Variants in ATG4B observed in about 807,000 individuals in gnomAD.
The protein encoded by ATG4B is cysteine protease ATG4B.
In ATG4B, 29 loss-of-function variants were observed where a neutral mutation model predicts 56.6. The observed-to-expected ratio is 0.51, with a 90% confidence interval of 0.38 to 0.70. ATG4B has a LOEUF of 0.70. Ranked by LOEUF, ATG4B falls within the 30% of genes least tolerant of loss-of-function variation. ATG4B has a pLI of 0.00. For synonymous variants in ATG4B, 224 were observed against 206.1 expected, an observed-to-expected ratio of 1.09 and a Z score of -0.74; for missense variants, 461 against 515.5, an observed-to-expected ratio of 0.89 and a Z score of 1.02.
intron 1 of ATG4B, 71 bp downstream of exon 1, chr2:241,637,795 T>C: frequency 6.9e-7 from 1 of 1,447,518 alleles, no homozygotes; most frequent in East Asian, 3.0e-5. Context: ...CCTGCTCGGG[T>C]CGGGCTGCCG....
At position 241,673,323 on chromosome 2, in the gene ATG4B, A is replaced by C. The variant is rs1171230610; in HGVS notation, c.*1059A>C. On this transcript the variant is annotated 3_prime_UTR_variant, in exon 13 of 13. Coordinates refer to ENST00000404914, the MANE Select transcript of ATG4B (RefSeq NM_013325.5). Reference sequence around the variant, plus strand: ...TGTGTAACCTGCTGTCCCGGGTCCCAGAGTGCACTCTGCCCCGCTGCTCTG... The same window carrying C: ...TGTGTAACCTGCTGTCCCGGGTCCCCGAGTGCACTCTGCCCCGCTGCTCTG... 1 of 351,998 alleles carries C rather than the reference A, an allele frequency of 2.8e-6. No individual in the cohort carries two copies. The highest frequency in any genetic ancestry group is 7.4e-5 in the East Asian group (1 of 13,450). The allele number at this position is 351,998 out of a possible 1,614,324, so 21.8% of individuals were successfully genotyped here. A position where few individuals can be genotyped will look rare whatever the true frequency, so the allele number is the denominator to read the frequency against.
At chr2:241,658,490 T>C (rs1275889615) in intron 6 of ATG4B, among the ~76,000 whole-genome samples, 1 of 152,206 alleles carries the variant, frequency 6.6e-6, no homozygotes. Context: ...CCTTTTCTAT[T>C]GTTTTACCTT....
intron 7 of ATG4B, among the ~76,000 whole-genome samples, chr2:241,665,999 G>C (rs1408609686): frequency 6.6e-6 from 1 of 152,212 alleles, no homozygotes; most frequent in Non-Finnish European, 1.5e-5. Context: ...CTTTTGCCGT[G>C]TTCTGGCGTT....
intron 10 of ATG4B, among the ~76,000 whole-genome samples, chr2:241,669,302 A>G (rs1036023624): frequency 3.9e-5 from 6 of 152,192 alleles, no homozygotes; most frequent in Non-Finnish European, 8.8e-5. Context: ...TGACGGTGAC[A>G]TGCTCAGGGA....
intron 1 of ATG4B, among the ~76,000 whole-genome samples, chr2:241,646,513 T>C (rs950072802): frequency 6.6e-6 from 1 of 152,216 alleles, no homozygotes; most frequent in Admixed American, 6.5e-5. Flanking sequence ...TTTACGATAG[T>C]GTGAAAGCAG....
At chr2:241,660,591 C>G (rs1403577433) in intron 7 of ATG4B, among the ~76,000 whole-genome samples, 1 of 152,170 alleles carries the variant, frequency 6.6e-6, no homozygotes, top group African/African-American at 2.4e-5. Flanking sequence ...ATTGGAAACA[C>G]AGGAAGAGTA....
At position 241,642,871 on chromosome 2, in the gene ATG4B, C is replaced by CTTTTTTTTTTTTTTTTTTTTTTTTTT. The variant is rs1321613822; in HGVS notation, c.10+5147_10+5148insTTTTTTTTTTTTTTTTTTTTTTTTTT. On this transcript the variant is annotated intron_variant, in intron 1 of 12. Transcript: ENST00000404914. ...CTTAAGGTGTACAGCACCTCTCCGT[C>CTTTTTTTTTTTTTTTTTTTTTTTTTT]CTTTTTTTTTTTTTTTTTTTTTTTT... Among the ~76,000 whole-genome samples the CTTTTTTTTTTTTTTTTTTTTTTTTTT allele has an allele frequency of 9.1e-5, 9 of 98,428 alleles. 4 individuals carry two copies. Among genetic ancestry groups the CTTTTTTTTTTTTTTTTTTTTTTTTTT allele is most frequent in the East Asian group, 3.7e-4 (1 of 2,668 alleles). The allele number at this position is 98,428 out of a possible 152,430, so 64.6% of individuals were successfully genotyped here. A position where few individuals can be genotyped will look rare whatever the true frequency, so the allele number is the denominator to read the frequency against.
chr2:241,649,204 G>A (rs143174589), intron 1 of ATG4B, among the ~76,000 whole-genome samples: 73 of 152,318 alleles, frequency 4.8e-4, no homozygotes, highest in African/African-American at 1.7e-3. Context: ...GTTCACACAC[G>A]ATGCTTTTTA....
chr2:241,650,506 C>A (rs980252251), intron 1 of ATG4B, among the ~76,000 whole-genome samples: 1 of 152,102 alleles, frequency 6.6e-6, no homozygotes, highest in African/African-American at 2.4e-5. Context: ...ATCTGGTAAA[C>A]CTTAGGATGG....
chr2:241,643,884 T>A (rs1003528915), intron 1 of ATG4B, among the ~76,000 whole-genome samples: 1 of 152,088 alleles, frequency 6.6e-6, no homozygotes, highest in African/African-American at 2.4e-5. Context: ...TTTCCGAAGT[T>A]TGACTCCTTT....
chr2:241,673,672 C>T lies in ATG4B; in HGVS notation c.*1408C>T, dbSNP rs1485906253. The T allele has an allele frequency of 8.8e-6, 4 of 456,072 alleles. No homozygotes were observed. Among genetic ancestry groups the T allele is most frequent in the Non-Finnish European group, 1.8e-5 (4 of 227,098 alleles). 28.3% of individuals were successfully genotyped at this position (456,072 alleles called of 1,614,324 possible). The stretch of plus-strand genomic sequence containing the variant: ...TGGTGCGATCTCCATTCCTTGGGCT[C>T]CACGTCCGAGTTCATGGTGCGCCGC... On this transcript the variant is annotated 3_prime_UTR_variant, in exon 13 of 13. Coordinates refer to ENST00000404914, the MANE Select transcript of ATG4B (RefSeq NM_013325.5).
intron 6 of ATG4B, among the ~76,000 whole-genome samples, chr2:241,657,563 A>G (rs2125131296): frequency 6.6e-6 from 1 of 152,004 alleles, no homozygotes; most frequent in Non-Finnish European, 1.5e-5. Flanking sequence ...TCATCCTCCC[A>G]AAGTGCTGGG....
chr2:241,650,376 C>G (rs750760550), intron 1 of ATG4B, among the ~76,000 whole-genome samples: 2 of 152,164 alleles, frequency 1.3e-5, no homozygotes, highest in African/African-American at 2.4e-5. Context: ...TTCTCCAGCA[C>G]CTGCTCCTAA....
rs1470117398 is a variant in ATG4B at position 241,651,351 on chromosome 2, T to A, written c.184+16T>A. ...CCAGCCATTGGTAAGTACTCTGTTT[T>A]ATTACAACGCGGGACAAAATATGTT... On this transcript the variant is annotated intron_variant, in intron 3 of 12. Coordinates refer to ENST00000404914, the MANE Select transcript of ATG4B (RefSeq NM_013325.5). This position sits in a 1 kb window ranked among gnomAD's most constrained non-coding sequence, Gnocchi z 4.1. 1.9e-6 allele frequency: 3 copies of A among 1,565,416 alleles called. No homozygotes were observed. The African/African-American group carries it at 4.1e-5, about 21-fold the overall frequency.
intron 1 of ATG4B, among the ~76,000 whole-genome samples, chr2:241,642,046 G>C (rs941418503): frequency 3.3e-5 from 5 of 150,564 alleles, no homozygotes; most frequent in African/African-American, 4.9e-5. Flanking sequence ...AAAAAAAACA[G>C]AACTTGAATT....
At chr2:241,637,899 T>TGGGGGGGGGG in intron 1 of ATG4B, 175 bp downstream of exon 1, 2 of 146,442 alleles carry the variant, frequency 1.4e-5, no homozygotes, top group Non-Finnish European at 2.9e-5. Context: ...TGGTGGGCGG[T>TGGGGGGGGGG]GGGAGCGGGA....
intron 8 of ATG4B, chr2:241,667,908 G>A (rs1575089617): frequency 2.0e-6 from 1 of 512,732 alleles, no homozygotes; most frequent in South Asian, 2.4e-5. Flanking sequence ...CCTCCCCAAA[G>A]CCCACCTCTG....
chr2:241,670,329 G>A (rs939374469), intron 10 of ATG4B, among the ~76,000 whole-genome samples: 1 of 150,228 alleles, frequency 6.7e-6, no homozygotes, highest in South Asian at 2.1e-4. Flanking sequence ...TTGCCGCCAA[G>A]CTTCCAGGGA....
intron 1 of ATG4B, among the ~76,000 whole-genome samples, chr2:241,638,990 C>G (rs915843839): frequency 3.3e-5 from 5 of 152,224 alleles, no homozygotes; most frequent in Non-Finnish European, 7.3e-5. Flanking sequence ...GGCCCCTGCC[C>G]AGGCCTTGCT....
Sources: allele counts gnomAD v4.1 joint callset (sites outside exome capture counted in the v4.1 genomes callset), GRCh38; gene constraint gnomAD v4.1.1; non-coding constraint Gnocchi (gnomAD v3.1); transcripts MANE v1.5; gene names NCBI Gene and HGNC (gene_info 2026-07-23, HGNC 2026-07-21).